Variants in TENM2 observed in about 807,000 individuals in gnomAD.
TENM2 encodes the protein teneurin-2.
In TENM2, 52 loss-of-function variants were observed where a neutral mutation model predicts 245.2. That is an observed-to-expected ratio of 0.21 (90% CI 0.17 to 0.27). The LOEUF (loss-of-function observed/expected upper bound fraction) is 0.27. TENM2 is among the 10% of genes least tolerant of loss of function. The pLI, the probability that TENM2 is intolerant of heterozygous loss-of-function variation, is 1.00. For synonymous variants in TENM2, 1,363 were observed against 1,438.9 expected (o/e 0.95, Z 1.19); for missense variants, 3,046 against 3,666.8 (o/e 0.83, Z 4.37).
At chr5:168,056,723 G>C (rs1412815839) in intron 6 of TENM2, among the ~76,000 whole-genome samples, 3 of 152,158 alleles carry the variant, frequency 2.0e-5, no homozygotes, top group African/African-American at 7.2e-5. Flanking sequence ...GCAACTTCCA[G>C]TCCTGCAAAT....
chr5:168,196,487 G>A (rs896450287), intron 15 of TENM2, among the ~76,000 whole-genome samples: 1 of 152,164 alleles, frequency 6.6e-6, no homozygotes, highest in African/African-American at 2.4e-5. Context: ...TTGAGACGGA[G>A]TCTCACTCTT....
the TENM2 span, among the ~76,000 whole-genome samples, chr5:167,157,528 CT>C: frequency 1.5e-4 from 23 of 152,288 alleles, no homozygotes; most frequent in Middle Eastern, 6.8e-3. Context: ...GTGAAGGTCT[CT>C]TTTAGTCAGT....
At chr5:167,618,661 T>C (rs1777955977) in intron 2 of TENM2, among the ~76,000 whole-genome samples, 1 of 152,136 alleles carries the variant, frequency 6.6e-6, no homozygotes, top group African/African-American at 2.4e-5. Context: ...CCCAGCCACC[T>C]GTGTTTGGGG....
chr5:167,177,061 A>C, the TENM2 span, among the ~76,000 whole-genome samples: 3 of 152,200 alleles, frequency 2.0e-5, no homozygotes, highest in African/African-American at 7.2e-5. Context: ...TAATCACATT[A>C]ATGATGCTTT....
chr5:168,140,958 C>T (rs1208622703), intron 12 of TENM2, among the ~76,000 whole-genome samples: 1 of 152,066 alleles, frequency 6.6e-6, no homozygotes, highest in Non-Finnish European at 1.5e-5. Flanking sequence ...ATAGAACACC[C>T]GAGAAAGTTG....
intron 2 of TENM2, among the ~76,000 whole-genome samples, chr5:167,872,517 AAAG>A (rs1773013559): frequency 6.0e-5 from 3 of 49,836 alleles, no homozygotes; most frequent in Non-Finnish European, 1.7e-4. Context: ...AGAAAGAAAG[AAAG>A]AAAGAAAGAA....
chr5:167,184,929 C>G, the TENM2 span, among the ~76,000 whole-genome samples: 3 of 152,194 alleles, frequency 2.0e-5, no homozygotes, highest in Non-Finnish European at 4.4e-5. Context: ...ATAAGGAGCA[C>G]ACAACCTCGA....
intron 17 of TENM2, among the ~76,000 whole-genome samples, chr5:168,203,090 T>A (rs2152536558): frequency 6.6e-6 from 1 of 152,274 alleles, no homozygotes; most frequent in Middle Eastern, 3.4e-3. Flanking sequence ...AAAAACAGCT[T>A]TTGGATTCTG....
chr5:168,244,685 G>A lies in TENM2; in HGVS notation c.5786G>A (p.Gly1929Glu), dbSNP rs973998660. The change falls in exon 26 of 29, where the codon GGG (glycine) becomes GAG (glutamate). Residue 1929 changes from glycine to glutamate, a missense_variant. Transcript: ENST00000518659. This position sits in a 1 kb window ranked among gnomAD's most constrained non-coding sequence, Gnocchi z 4.9. ...ATCGTGTCCCGCATGTTCGCTGACG[G>A]GAAAGTGTGGAGCTACTCCTACCTT... The A allele has an allele frequency of 2.7e-6, 4 of 1,491,338 alleles. No homozygotes were observed. The highest frequency in any genetic ancestry group is 3.6e-6 in the Non-Finnish European group (4 of 1,109,532). 92.4% of individuals were successfully genotyped at this position (1,491,338 alleles called of 1,614,324 possible).
chr5:167,776,622 A>AC (rs1763814149), intron 2 of TENM2, among the ~76,000 whole-genome samples: 2 of 65,354 alleles, frequency 3.1e-5, no homozygotes, highest in African/African-American at 1.4e-4. Flanking sequence ...AAAAAAAAAA[A>AC]AAAACCATAT....
At chr5:167,626,123 G>A (rs1778485370) in intron 2 of TENM2, among the ~76,000 whole-genome samples, 1 of 152,116 alleles carries the variant, frequency 6.6e-6, no homozygotes, top group Non-Finnish European at 1.5e-5. Flanking sequence ...TTGGAAGGAG[G>A]AAGTGCCAAA....
chr5:168,253,671 C>A (rs1305260347), intron 27 of TENM2, among the ~76,000 whole-genome samples: 1 of 149,892 alleles, frequency 6.7e-6, no homozygotes, highest in East Asian at 2.0e-4. Context: ...GTGATTCGCC[C>A]GCCTCGGCCT....
the TENM2 span, among the ~76,000 whole-genome samples, chr5:167,085,571 G>A: frequency 9.9e-5 from 15 of 151,872 alleles, no homozygotes; most frequent in Admixed American, 2.0e-4. Context: ...TAGATGTTAC[G>A]GCTATTCCCA....
intron 2 of TENM2, among the ~76,000 whole-genome samples, chr5:167,469,070 G>A (rs6420072): frequency 0.99 from 150,405 of 152,292 alleles, 74,302 homozygotes; most frequent in Middle Eastern, 1. Flanking sequence ...AACTTTAAAT[G>A]CTATCTTAAT....
the TENM2 span, among the ~76,000 whole-genome samples, chr5:167,082,857 T>C: frequency 1.3e-5 from 2 of 152,276 alleles, no homozygotes; most frequent in East Asian, 3.9e-4. Context: ...TCTTTTATAA[T>C]TGACTTTTAA....
chr5:167,363,040 G>A (rs754324173), intron 1 of TENM2, among the ~76,000 whole-genome samples: 20 of 152,100 alleles, frequency 1.3e-4, no homozygotes, highest in Non-Finnish European at 2.6e-4. Flanking sequence ...GTATTAAATA[G>A]CTTGATCAGA....
chr5:167,413,218 A>G (rs917126794), intron 2 of TENM2, among the ~76,000 whole-genome samples: 3 of 152,104 alleles, frequency 2.0e-5, no homozygotes, highest in Admixed American at 6.6e-5. Flanking sequence ...GTGAGCATCA[A>G]TCTATTACAG....
At chr5:167,895,202 CCCT>C (rs2151484568) in intron 3 of TENM2, among the ~76,000 whole-genome samples, 2 of 152,050 alleles carry the variant, frequency 1.3e-5, no homozygotes, top group South Asian at 4.2e-4. Context: ...CTCCTCCTCT[CCCT>C]CCTCCTCTTC....
At chr5:168,232,111 G>A (rs1764979994) in intron 25 of TENM2, among the ~76,000 whole-genome samples, 7 of 152,210 alleles carry the variant, frequency 4.6e-5, no homozygotes, top group Admixed American at 4.6e-4. Context: ...AGGTATGGAG[G>A]AAGACAGATG....
Sources: gnomAD v4.1 joint callset for allele counts (sites outside exome capture counted in the v4.1 genomes callset) on GRCh38, gnomAD v4.1.1 for gene constraint, Gnocchi (gnomAD v3.1) non-coding constraint, MANE v1.5 for transcripts, NCBI Gene and HGNC (gene_info 2026-07-23, HGNC 2026-07-21) for gene names.